The following SHROOM4 variants were observed in gnomAD, a reference collection of about 807,000 sequenced individuals.
The protein encoded by SHROOM4 is shroom family member 4.
In SHROOM4, 17 loss-of-function variants were observed where a neutral mutation model predicts 80.3. The observed-to-expected ratio is 0.21, with a 90% CI of 0.14 to 0.32. The LOEUF is 0.32. Among genes scored for constraint, SHROOM4 ranks in the 10% least tolerant of loss-of-function variants. SHROOM4 has a pLI of 1.00. For synonymous variants in SHROOM4, 400 were observed against 437.5 expected (o/e 0.91, Z 1.07); for missense variants, 993 against 1,140.3 (o/e 0.87, Z 1.86).
intron 2 of SHROOM4, among the ~76,000 whole-genome samples, chrX:50,657,408 G>A (rs1016194065): frequency 2.8e-5 from 3 of 109,038 alleles, no homozygotes; most frequent in Non-Finnish European, 5.7e-5. Context: ...TAGCCTTATT[G>A]TGTTGAGGCA....
intron 2 of SHROOM4, among the ~76,000 whole-genome samples, chrX:50,638,582 A>T (rs781812093): frequency 8.9e-6 from 1 of 112,233 alleles, no homozygotes; most frequent in Non-Finnish European, 1.9e-5. Context: ...TTCAATAAAT[A>T]TTTGTGGAAT....
intron 1 of SHROOM4, among the ~76,000 whole-genome samples, chrX:50,772,159 T>C (rs1279234245): frequency 9.0e-6 from 1 of 111,506 alleles, no homozygotes; most frequent in Non-Finnish European, 1.9e-5. Flanking sequence ...GTGTATTTTC[T>C]AAGTTAATAT....
intron 2 of SHROOM4, among the ~76,000 whole-genome samples, chrX:50,646,218 G>A (rs782617743): frequency 2.6e-4 from 29 of 111,512 alleles, no homozygotes; most frequent in Non-Finnish European, 5.1e-4. Context: ...ACAAAATAAC[G>A]TCCTTGATTA....
intron 2 of SHROOM4, among the ~76,000 whole-genome samples, chrX:50,669,031 T>C (rs1253611066): frequency 1.8e-5 from 2 of 112,550 alleles, no homozygotes; most frequent in African/African-American, 6.5e-5. Flanking sequence ...TGTACAAACC[T>C]TGATGAAAGA....
chrX:50,623,609 C>T (rs782049541), intron 5 of SHROOM4, among the ~76,000 whole-genome samples: 3 of 111,909 alleles, frequency 2.7e-5, no homozygotes, highest in Non-Finnish European at 5.6e-5. Context: ...CTTTAGAAAA[C>T]GGGCAGTTCC....
At chrX:50,747,323 G>T (rs1934793718) in intron 1 of SHROOM4, among the ~76,000 whole-genome samples, 1 of 111,761 alleles carries the variant, frequency 8.9e-6, no homozygotes, top group Non-Finnish European at 1.9e-5. Flanking sequence ...ATATCACTCT[G>T]TCAGACGAAT....
intron 5 of SHROOM4, among the ~76,000 whole-genome samples, chrX:50,615,121 T>TGA (rs72474452): frequency 9.0e-6 from 1 of 110,852 alleles, no homozygotes; most frequent in Non-Finnish European, 1.9e-5. Flanking sequence ...TGTGTGTGTG[T>TGA]GTGTGTGTGT....
At chrX:50,809,473 C>T (rs1469586322) in intron 1 of SHROOM4, among the ~76,000 whole-genome samples, 2 of 112,598 alleles carry the variant, frequency 1.8e-5, no homozygotes, top group Non-Finnish European at 3.8e-5. Context: ...GGATGGCAAA[C>T]ACTATTAGAG....
intron 1 of SHROOM4, among the ~76,000 whole-genome samples, chrX:50,750,131 T>C (rs1253744333): frequency 8.9e-6 from 1 of 111,949 alleles, no homozygotes; most frequent in African/African-American, 3.2e-5. Context: ...TATGCCCAGA[T>C]CTTCTTACCA....
intron 2 of SHROOM4, among the ~76,000 whole-genome samples, chrX:50,653,717 C>G (rs1000784198): frequency 2.7e-5 from 3 of 111,517 alleles, no homozygotes; most frequent in Non-Finnish European, 5.6e-5. Flanking sequence ...ATATATAGCT[C>G]TTACTATTTT....
Position 50,657,447 on chromosome X carries a change from G to GT in SHROOM4, c.270-19140dup, listed in dbSNP as rs1340458403. On this transcript the variant is annotated intron_variant, in intron 2 of 8. Coordinates refer to ENST00000376020, the MANE Select transcript of SHROOM4 (RefSeq NM_020717.5). ...TCCTTCTACACCTAATTTTTGGACA[G>GT]TTTTTTTTTTTTATCATGAAAGCAT... is the stretch of plus-strand genomic sequence containing the variant. Among the ~76,000 whole-genome samples, 455 of 101,459 alleles carry GT rather than the reference G, an allele frequency of 4.5e-3. 2 individuals carry two copies. Among genetic ancestry groups the GT allele is most frequent in the Middle Eastern group, 0.015 (3 of 197 alleles). The allele number at this position is 101,459 out of a possible 115,157, so 88.1% of individuals were successfully genotyped here.
chrX:50,718,287 G>A lies in SHROOM4; in HGVS notation c.118-22350C>T, dbSNP rs782123328. Among the ~76,000 whole-genome samples the A allele has an allele frequency of 1.2e-4, 13 of 112,049 alleles. No homozygotes were observed. In the South Asian group the frequency reaches 1.5e-3, roughly 13 times the overall value. On this transcript the variant is annotated intron_variant, in intron 1 of 8. Coordinates refer to ENST00000376020, the MANE Select transcript of SHROOM4 (RefSeq NM_020717.5). ...AGAGATAAGCTGGAAACATGCACTG[G>A]GATGAGATGAATCATGAATGCAAAA...
intron 1 of SHROOM4, among the ~76,000 whole-genome samples, chrX:50,751,321 C>T (rs1934912411): frequency 8.9e-6 from 1 of 111,972 alleles, no homozygotes; most frequent in Non-Finnish European, 1.9e-5. Context: ...CCAGAACTAT[C>T]AAGGCATTGA....
At chrX:50,750,480 T>G (rs1435255727) in intron 1 of SHROOM4, among the ~76,000 whole-genome samples, 1 of 111,945 alleles carries the variant, frequency 8.9e-6, no homozygotes, top group Non-Finnish European at 1.9e-5. Flanking sequence ...CGGGCTGCTC[T>G]CGAACTCCTG....
intron 1 of SHROOM4, among the ~76,000 whole-genome samples, chrX:50,769,885 G>A (rs1371352615): frequency 9.1e-6 from 1 of 110,463 alleles, no homozygotes; most frequent in African/African-American, 3.3e-5. Flanking sequence ...AAGCCCACTT[G>A]CATATCTCAA....
intron 1 of SHROOM4, among the ~76,000 whole-genome samples, chrX:50,719,056 C>T (rs1934039393): frequency 8.9e-6 from 1 of 111,918 alleles, no homozygotes; most frequent in South Asian, 3.8e-4. Flanking sequence ...TAAACTCTGC[C>T]TTCATAAACC....
At chrX:50,700,720 G>T (rs782314771) in intron 1 of SHROOM4, among the ~76,000 whole-genome samples, 1 of 111,694 alleles carries the variant, frequency 9.0e-6, no homozygotes, top group African/African-American at 3.3e-5. Context: ...TCAAATTTCC[G>T]AAGCAGTCTA....
At chrX:50,777,682 T>A (rs60947733) in intron 1 of SHROOM4, among the ~76,000 whole-genome samples, 3,316 of 111,949 alleles carry the variant, frequency 0.03, 120 homozygotes, top group African/African-American at 0.1. Context: ...CAAAATATAT[T>A]ACTCTGTTAA....
chrX:50,724,528 G>T (rs868925436), intron 1 of SHROOM4, among the ~76,000 whole-genome samples: 2 of 112,900 alleles, frequency 1.8e-5, no homozygotes, highest in Non-Finnish European at 3.7e-5. Flanking sequence ...GCAATGGCAC[G>T]ATCTTGGCTC....
Sources: allele counts gnomAD v4.1 joint callset (sites outside exome capture counted in the v4.1 genomes callset), GRCh38; gene constraint gnomAD v4.1.1; transcripts MANE v1.5; gene names NCBI Gene and HGNC (gene_info 2026-07-23, HGNC 2026-07-21).